Variants in DCSTAMP observed in about 807,000 individuals in gnomAD.
The protein encoded by DCSTAMP is dendritic cell-specific transmembrane protein.
Under a neutral mutation model 33.8 loss-of-function variants are expected in DCSTAMP, and 25 were observed. The ratio of observed to expected loss-of-function variants is 0.74; its 90% CI spans 0.54 to 1.03. DCSTAMP has a LOEUF of 1.03. Ranked by LOEUF, DCSTAMP falls within the 50% of genes least tolerant of loss-of-function variation. DCSTAMP has a pLI of 0.00. For missense variants in DCSTAMP, 531 were observed against 556.8 expected, an observed-to-expected ratio of 0.95 and a Z score of 0.47; for synonymous variants, 245 against 216.7, an observed-to-expected ratio of 1.13 and a Z score of -1.15.
intron 3 of DCSTAMP, among the ~76,000 whole-genome samples, chr8:104,355,658 A>G (rs1411474586): frequency 6.6e-6 from 1 of 152,210 alleles, no homozygotes; most frequent in Non-Finnish European, 1.5e-5. Context: ...AAATAAAAAC[A>G]TGACTCATAC....
chr8:104,352,468 C>A (rs921165552), intron 2 of DCSTAMP, among the ~76,000 whole-genome samples: 1 of 152,150 alleles, frequency 6.6e-6, no homozygotes, highest in African/African-American at 2.4e-5. Context: ...CCATTCTCCT[C>A]CTGTGTTCTC....
intron 1 of DCSTAMP, among the ~76,000 whole-genome samples, chr8:104,342,954 C>T (rs1351637642): frequency 6.6e-6 from 1 of 152,198 alleles, no homozygotes; most frequent in Admixed American, 6.5e-5. Context: ...GAAAGGAGAG[C>T]TGCAGTCAGC....
chr8:104,355,801 G>A (rs946825269), intron 3 of DCSTAMP, among the ~76,000 whole-genome samples: 6 of 152,116 alleles, frequency 3.9e-5, no homozygotes, highest in Admixed American at 1.3e-4. Flanking sequence ...AATACCAAAC[G>A]AATTTGCTTA....
chr8:104,344,717 G>A (rs180994305), intron 1 of DCSTAMP, among the ~76,000 whole-genome samples: 4 of 152,256 alleles, frequency 2.6e-5, no homozygotes, highest in Admixed American at 6.5e-5. Flanking sequence ...ATGAATCTGG[G>A]TATCTGCTTG....
chr8:104,353,263 T>A (rs867585094), intron 2 of DCSTAMP, among the ~76,000 whole-genome samples: 1 of 152,218 alleles, frequency 6.6e-6, no homozygotes, highest in Non-Finnish European at 1.5e-5. Flanking sequence ...GAGAGGAATA[T>A]AAATATTGAA....
intron 2 of DCSTAMP, among the ~76,000 whole-genome samples, chr8:104,350,583 A>G (rs1313593486): frequency 6.6e-6 from 1 of 152,236 alleles, no homozygotes; most frequent in Non-Finnish European, 1.5e-5. Context: ...TTGGATTACT[A>G]GTTCTCAATT....
intron 3 of DCSTAMP, 26 bp downstream of exon 3, chr8:104,355,211 T>C (rs1810589412): frequency 6.3e-7 from 1 of 1,581,538 alleles, no homozygotes; most frequent in African/African-American, 1.4e-5. Context: ...TGGTGTAACC[T>C]CCAATTGAGG....
chr8:104,348,728 T>C lies in DCSTAMP; in HGVS notation c.176T>C (p.Ile59Thr), dbSNP rs1048181146. The C allele has an allele frequency of 6.2e-6, 10 of 1,614,064 alleles. No homozygotes were observed. The highest frequency in any genetic ancestry group is 1.3e-5 in the African/African-American group (1 of 74,918). ...GCCTGCTGGTTTCTGCCATCAATCA[T>C]AGCGGCCGCTGCCTCCTGGATTATC... ...VAACWFLPSI[I>T]AAAASWIITC... The change falls in exon 2 of 4, where the codon ATA becomes ACA. Residue 59 changes from isoleucine (I) to threonine (T), a missense_variant. Transcript: ENST00000297581.
intron 1 of DCSTAMP, among the ~76,000 whole-genome samples, chr8:104,340,980 T>C (rs767951674): frequency 6.6e-6 from 1 of 152,224 alleles, no homozygotes; most frequent in Non-Finnish European, 1.5e-5. Context: ...CATTGGCTTC[T>C]GCACAGGCAG....
At chr8:104,348,424 A>G in intron 1 of DCSTAMP, 117 bp from the exon 2 acceptor site, 1 of 969,754 alleles carries the variant, frequency 1.0e-6, no homozygotes. Context: ...GAGAGGACAC[A>G]GGAAGAGTAA....
At chr8:104,341,635 A>C (rs2099382868) in intron 1 of DCSTAMP, among the ~76,000 whole-genome samples, 1 of 152,220 alleles carries the variant, frequency 6.6e-6, no homozygotes, top group Admixed American at 6.5e-5. Flanking sequence ...AAGCAGGTAA[A>C]TGTGGGCTCA....
chr8:104,349,764 A>T (rs1810414500), intron 2 of DCSTAMP, among the ~76,000 whole-genome samples, 183 bp downstream of exon 2: 1 of 152,196 alleles, frequency 6.6e-6, no homozygotes, highest in Non-Finnish European at 1.5e-5. Flanking sequence ...CGAAGTCCCA[A>T]TGTTAGGGTG....
chr8:104,349,648 T>C, intron 2 of DCSTAMP, 67 bp downstream of exon 2: 2 of 1,527,950 alleles, frequency 1.3e-6, no homozygotes, highest in Non-Finnish European at 1.8e-6. Context: ...CAAAAGATCA[T>C]GAACCTCCCG....
At chr8:104,348,505 A>C in intron 1 of DCSTAMP, 36 bp from the exon 2 acceptor site, 4 of 1,574,564 alleles carry the variant, frequency 2.5e-6, no homozygotes, top group Non-Finnish European at 3.4e-6. Flanking sequence ...GACATTCAAA[A>C]GTAATTTCTG....
chr8:104,355,163 G>A lies in DCSTAMP; in HGVS notation c.1316G>A (p.Arg439Gln), dbSNP rs139698540. ...CAGCCGCTGGGAGAAGTCAAAAGAC[G>A]GCTGAGTCTCTATCTTACAAAGGTA... The part of the protein sequence containing the change: ...SKQPLGEVKR[R>Q]LSLYLTKIHF... Residue 439 changes from arginine (R) to glutamine (Q), a missense_variant, in exon 3 of 4, where the codon CGG (arginine) becomes CAG (glutamine). Transcript: ENST00000297581. 16 of 1,613,430 alleles carry A rather than the reference G, an allele frequency of 9.9e-6. No homozygotes were observed. The highest frequency in any genetic ancestry group is 5.3e-5 in the African/African-American group (4 of 74,820).
At chr8:104,353,048 T>C (rs978124735) in intron 2 of DCSTAMP, among the ~76,000 whole-genome samples, 1 of 152,230 alleles carries the variant, frequency 6.6e-6, no homozygotes, top group Non-Finnish European at 1.5e-5. Context: ...TTTAATTATG[T>C]GTTTTGAATA....
At chr8:104,340,119 T>A (rs968335768) in intron 1 of DCSTAMP, among the ~76,000 whole-genome samples, 1 of 152,170 alleles carries the variant, frequency 6.6e-6, no homozygotes, top group Non-Finnish European at 1.5e-5. Flanking sequence ...ATGAATCCCC[T>A]CAGCTAATCC....
Position 104,340,924 on chromosome 8 carries a change from C to T in DCSTAMP, c.-13+1062C>T, listed in dbSNP as rs140456763. ...GTGCTTGTCCGTTTGGGTTTATTGT[C>T]CCCTGGGGTGTCTGCAGACTATATC... On this transcript the variant is annotated intron_variant, in intron 1 of 3. Transcript: ENST00000297581. 2.3e-3 allele frequency among the ~76,000 whole-genome samples: 345 copies of T among 152,264 alleles called. 1 individual carries two copies. Among genetic ancestry groups the T allele is most frequent in the Admixed American group, 3.7e-3 (56 of 15,304 alleles).
chr8:104,349,908 G>C (rs1399116365), intron 2 of DCSTAMP, among the ~76,000 whole-genome samples: 2 of 152,166 alleles, frequency 1.3e-5, no homozygotes, highest in African/African-American at 4.8e-5. Flanking sequence ...TGAAATCCAG[G>C]TGCTGTTGCC....
Sources: gnomAD v4.1 joint callset for allele counts (sites outside exome capture counted in the v4.1 genomes callset) on GRCh38, gnomAD v4.1.1 for gene constraint, MANE v1.5 for transcripts, NCBI Gene and HGNC (gene_info 2026-07-23, HGNC 2026-07-21) for gene names.